The following DSCAM variants were observed in gnomAD, a reference collection of about 807,000 sequenced individuals.
DSCAM encodes DS cell adhesion molecule.
In DSCAM, 47 loss-of-function variants were observed where a neutral mutation model predicts 217.7. The ratio of observed to expected loss-of-function variants is 0.22; its 90% CI spans 0.17 to 0.28. The LOEUF (loss-of-function observed/expected upper bound fraction) is 0.28, where lower values mean the gene tolerates loss of function less well. Among genes scored for constraint, DSCAM ranks in the 10% least tolerant of loss-of-function variants. The probability of loss-of-function intolerance (pLI) is 1.00; values close to 1 mark genes in which losing one functional copy is unlikely to be tolerated. For synonymous variants in DSCAM, 1,056 were observed against 1,015.3 expected (o/e 1.04, Z -0.76); for missense variants, 2,080 against 2,618.3 (o/e 0.79, Z 4.49).
intron 3 of DSCAM, among the ~76,000 whole-genome samples, chr21:40,672,970 C>T (rs1164284188): frequency 6.6e-6 from 1 of 152,204 alleles, no homozygotes; most frequent in Non-Finnish European, 1.5e-5. Context: ...ACAGCAACAG[C>T]AGTCACATCA....
chr21:40,358,202 G>A (rs1015960682), intron 4 of DSCAM, among the ~76,000 whole-genome samples: 3 of 152,206 alleles, frequency 2.0e-5, no homozygotes, highest in African/African-American at 7.2e-5. Flanking sequence ...CACTTAAAAA[G>A]TTTTATTCTA....
At chr21:40,051,366 C>T (rs2088927837) in intron 30 of DSCAM, among the ~76,000 whole-genome samples, 1 of 152,158 alleles carries the variant, frequency 6.6e-6, no homozygotes, top group Non-Finnish European at 1.5e-5. Context: ...ATATTAATAA[C>T]AAAATCCAAC....
chr21:40,441,100 A>G (rs2075626164), intron 3 of DSCAM, among the ~76,000 whole-genome samples: 1 of 74,056 alleles, frequency 1.4e-5, no homozygotes, highest in African/African-American at 4.5e-5. Flanking sequence ...TGAGGCAAAC[A>G]CATAGAATAT....
intron 14 of DSCAM, among the ~76,000 whole-genome samples, chr21:40,182,705 G>T (rs1396542809): frequency 8.0e-6 from 1 of 124,350 alleles, no homozygotes; most frequent in South Asian, 2.9e-4. Flanking sequence ...GGACGGGGGG[G>T]GGTTACCAGA....
intron 21 of DSCAM, 129 bp downstream of exon 21, chr21:40,093,592 C>G: frequency 8.6e-7 from 1 of 1,159,674 alleles, no homozygotes; most frequent in Non-Finnish European, 1.2e-6. Context: ...AACCCTGTTT[C>G]TTGAGCTAAA....
intron 27 of DSCAM, among the ~76,000 whole-genome samples, chr21:40,073,656 A>G (rs1240388628): frequency 2.0e-5 from 3 of 151,962 alleles, no homozygotes; most frequent in African/African-American, 7.3e-5. Context: ...CTTCTTTTTC[A>G]CTGATGCGGT....
At chr21:40,210,608 G>A (rs1473461433) in intron 11 of DSCAM, among the ~76,000 whole-genome samples, 2 of 152,168 alleles carry the variant, frequency 1.3e-5, no homozygotes, top group African/African-American at 2.4e-5. Context: ...GCAGTGGCAC[G>A]ATCTTGGCTC....
intron 26 of DSCAM, among the ~76,000 whole-genome samples, chr21:40,077,163 C>A (rs1336217311): frequency 6.6e-6 from 1 of 152,128 alleles, no homozygotes; most frequent in Admixed American, 6.5e-5. Context: ...ATTCTGGGGC[C>A]ATAGGACAGA....
At chr21:40,755,334 T>C (rs748429842) in intron 1 of DSCAM, among the ~76,000 whole-genome samples, 2 of 152,102 alleles carry the variant, frequency 1.3e-5, no homozygotes, top group Non-Finnish European at 2.9e-5. Context: ...TAATCCCAGC[T>C]ACTTAGAAGG....
At chr21:40,541,830 T>A (rs1293855143) in intron 3 of DSCAM, among the ~76,000 whole-genome samples, 1 of 152,216 alleles carries the variant, frequency 6.6e-6, no homozygotes, top group African/African-American at 2.4e-5. Context: ...TGTATTGCAC[T>A]GAAAGTAGTA....
At chr21:40,812,600 G>C (rs1389183851) in intron 1 of DSCAM, among the ~76,000 whole-genome samples, 2 of 152,206 alleles carry the variant, frequency 1.3e-5, no homozygotes, top group East Asian at 1.9e-4. Flanking sequence ...AACTTGGTTA[G>C]GATTACTAGC....
At chr21:40,294,190 G>A (rs2073928082) in intron 10 of DSCAM, among the ~76,000 whole-genome samples, 1 of 152,172 alleles carries the variant, frequency 6.6e-6, no homozygotes, top group Non-Finnish European at 1.5e-5. Flanking sequence ...TAAAATGTCA[G>A]TAACATCCAA....
chr21:40,803,294 C>T (rs1278882994), intron 1 of DSCAM, among the ~76,000 whole-genome samples: 2 of 152,188 alleles, frequency 1.3e-5, no homozygotes, highest in African/African-American at 4.8e-5. Context: ...TTCTCATTGC[C>T]TCTGTTTGCC....
chr21:40,280,180 CCT>C (rs1491541971), intron 10 of DSCAM, among the ~76,000 whole-genome samples: 5 of 87,780 alleles, frequency 5.7e-5, no homozygotes, highest in African/African-American at 3.8e-4. Flanking sequence ...GATTTTGGTG[CCT>C]TTTTTTTTTT....
chr21:40,408,601 T>G (rs1222853678), intron 3 of DSCAM, among the ~76,000 whole-genome samples: 3 of 152,208 alleles, frequency 2.0e-5, no homozygotes, highest in Non-Finnish European at 4.4e-5. Context: ...GCATTGGTTC[T>G]TGTAGGTTTC....
intron 32 of DSCAM, among the ~76,000 whole-genome samples, chr21:40,018,165 T>C (rs1360647716): frequency 3.3e-5 from 5 of 152,210 alleles, no homozygotes; most frequent in Non-Finnish European, 1.5e-5. Context: ...TTAACAGAGC[T>C]GTCATTAAGA....
At chr21:40,712,668 G>A (rs1239606781) in intron 1 of DSCAM, among the ~76,000 whole-genome samples, 1 of 152,070 alleles carries the variant, frequency 6.6e-6, no homozygotes, top group Non-Finnish European at 1.5e-5. Flanking sequence ...CATAATTCAT[G>A]TGGTATGTCA....
intron 4 of DSCAM, among the ~76,000 whole-genome samples, chr21:40,362,142 T>C (rs910649247): frequency 2.6e-5 from 4 of 152,178 alleles, no homozygotes; most frequent in Non-Finnish European, 5.9e-5. Flanking sequence ...ATGGTGTATA[T>C]GTGCCACGTT....
rs530583112 is a variant in DSCAM, at chr21:40,571,529, A to C, written c.508+121281T>G. ...TTAGCCAAAAAACCTGTGCTCCAAG[A>C]AATGCTTAAAGAAATGCAGGCTGAA... On this transcript the variant is annotated intron_variant, in intron 3 of 32. Coordinates refer to ENST00000400454, the MANE Select transcript of DSCAM (RefSeq NM_001389.5). Among the ~76,000 whole-genome samples the C allele has an allele frequency of 1.4e-4, 21 of 152,314 alleles. 1 individual carries two copies. In the East Asian group the frequency reaches 3.9e-3, roughly 28 times the overall value.
Sources: allele counts gnomAD v4.1 joint callset (sites outside exome capture counted in the v4.1 genomes callset), GRCh38; gene constraint gnomAD v4.1.1; transcripts MANE v1.5; gene names NCBI Gene and HGNC (gene_info 2026-07-23, HGNC 2026-07-21).